Variants in LRCH1 observed in about 807,000 individuals in gnomAD.
The protein encoded by LRCH1 is leucine rich repeats and calponin homology domain containing 1, also known as leucine-rich repeat and calponin homology domain-containing protein 1.
Under a neutral mutation model 94.9 loss-of-function variants are expected in LRCH1, and 23 were observed. That is an observed-to-expected ratio of 0.24 (90% CI 0.17 to 0.34). The LOEUF (loss-of-function observed/expected upper bound fraction) is 0.34, where lower values mean the gene tolerates loss of function less well. Among genes scored for constraint, LRCH1 ranks in the 10% least tolerant of loss-of-function variants. LRCH1 has a pLI of 1.00. For missense variants in LRCH1, 790 were observed against 945.9 expected (o/e 0.84, Z 2.16); for synonymous variants, 364 against 354.9 (o/e 1.03, Z -0.29).
At chr13:46,590,428 G>A (rs908429518) in intron 1 of LRCH1, among the ~76,000 whole-genome samples, 1 of 152,164 alleles carries the variant, frequency 6.6e-6, no homozygotes, top group Non-Finnish European at 1.5e-5. Context: ...CTGACAGCAG[G>A]GAGGTGTTGC....
At chr13:46,694,808 G>T in intron 8 of LRCH1, 85 bp from the exon 9 acceptor site, 1 of 1,450,352 alleles carries the variant, frequency 6.9e-7, no homozygotes, top group South Asian at 1.2e-5. Flanking sequence ...GACTTGAAGT[G>T]ATTAGATCAT....
chr13:46,667,875 G>A (rs188110936), intron 2 of LRCH1, among the ~76,000 whole-genome samples: 24 of 152,232 alleles, frequency 1.6e-4, no homozygotes, highest in Admixed American at 4.6e-4. Flanking sequence ...GAGGAGTACC[G>A]ATAGTATTTT....
At chr13:46,647,470 G>A (rs949119056) in intron 1 of LRCH1, among the ~76,000 whole-genome samples, 2 of 151,832 alleles carry the variant, frequency 1.3e-5, no homozygotes, top group African/African-American at 4.8e-5. Flanking sequence ...TTTATGATTT[G>A]TCTTATTTCT....
intron 13 of LRCH1, 99 bp from the exon 14 acceptor site, chr13:46,711,692 A>G (rs994602326): frequency 8.1e-5 from 65 of 804,580 alleles, no homozygotes; most frequent in African/African-American, 6.0e-4. Flanking sequence ...TTGTGCACCT[A>G]TGGACCGGGG....
chr13:46,596,801 T>A (rs1315948394), intron 1 of LRCH1, among the ~76,000 whole-genome samples: 1 of 152,216 alleles, frequency 6.6e-6, no homozygotes, highest in Non-Finnish European at 1.5e-5. Context: ...GCTAGGTCCA[T>A]GGCAATCGAT....
chr13:46,725,928 T>C (rs1872793983), intron 17 of LRCH1, among the ~76,000 whole-genome samples: 1 of 152,222 alleles, frequency 6.6e-6, no homozygotes, highest in Non-Finnish European at 1.5e-5. Flanking sequence ...ATGGGTCATA[T>C]TGATCATTTA....
chr13:46,732,475 C>T (rs1297194897), intron 18 of LRCH1, among the ~76,000 whole-genome samples: 1 of 152,208 alleles, frequency 6.6e-6, no homozygotes, highest in Admixed American at 6.5e-5. Flanking sequence ...CCCTCCCTCA[C>T]TCCCAAAGAG....
At position 46,699,383 on chromosome 13, in the gene LRCH1, G is replaced by A. The variant is rs765195629; in HGVS notation, c.1293G>A (p.Val431=). ...AGCTGTTACGGATAGAAGAGGATGT[G>A]CACTGGCAAACTGAGGGCATGTGAG... ...CEELLRIEED[V]HWQTEGIISS... Residue 431 remains valine (V), a synonymous_variant, in exon 10 of 20, where the codon GTG becomes GTA. Coordinates refer to ENST00000389797, the MANE Select transcript of LRCH1 (RefSeq NM_001164211.2). 2 of 1,614,118 alleles carry A rather than the reference G, an allele frequency of 1.2e-6. No homozygotes were observed. The highest frequency in any genetic ancestry group is 1.1e-5 in the South Asian group (1 of 91,090).
Position 46,694,999 on chromosome 13 carries a change from G to A in LRCH1, c.1227G>A (p.Ser409=), listed in dbSNP as rs201892262. The A allele has an allele frequency of 7.3e-5, 117 of 1,613,674 alleles. No individual in the cohort carries two copies. The highest frequency in any genetic ancestry group is 9.7e-5 in the Non-Finnish European group (114 of 1,179,846). Residue 409 remains serine (S), a synonymous_variant, in exon 9 of 20, where the codon TCG becomes TCA. Coordinates refer to ENST00000389797, the MANE Select transcript of LRCH1 (RefSeq NM_001164211.2). ...CTGATAGAGCAGATGGTCTCCATTC[G>A]GAATTTATGAACTATAAGGCAAGAT... ...QFTDRADGLH[S]EFMNYKARAE... is the part of the protein sequence containing the mutation.
rs137989285 is a variant in LRCH1, at chr13:46,660,912, C to A, written c.453-8118C>A. Among the ~76,000 whole-genome samples, 20 of 152,264 alleles carry A rather than the reference C, an allele frequency of 1.3e-4. No homozygotes were observed. The East Asian group carries it at 3.9e-3, about 29-fold the overall frequency. On this transcript the variant is annotated intron_variant, in intron 2 of 19. Transcript: ENST00000389797. ...AAATTCCAGTATGTTCTAGACTAAG[C>A]CCATTTTCTTCTTTTCCAAATTAGT... is the stretch of plus-strand genomic sequence containing the variant.
At chr13:46,730,974 T>A (rs925767357) in intron 18 of LRCH1, among the ~76,000 whole-genome samples, 1 of 152,120 alleles carries the variant, frequency 6.6e-6, no homozygotes, top group Admixed American at 6.5e-5. Flanking sequence ...TAAATAAAAA[T>A]TTTAAAATTA....
intron 4 of LRCH1, among the ~76,000 whole-genome samples, chr13:46,684,180 A>G (rs1490467163): frequency 6.6e-6 from 1 of 152,114 alleles, no homozygotes; most frequent in African/African-American, 2.4e-5. Context: ...CTCTCTTAGC[A>G]GTGGGGAGAG....
In LRCH1 at chr13:46,742,505, C is replaced by G. The variant is rs1391924122; in HGVS notation, c.*657C>G. ...GGCCGCCAACTTCCACCCCGGCAAG[C>G]CCCTCTGTCCTATGCAGAAGGGCGC... On this transcript the variant is annotated 3_prime_UTR_variant, in exon 20 of 20. Coordinates refer to ENST00000389797, the MANE Select transcript of LRCH1 (RefSeq NM_001164211.2). 1.0e-6 allele frequency: 1 copy of G among 985,762 alleles called. No homozygotes were observed. Among genetic ancestry groups the G allele is most frequent in the Non-Finnish European group, 1.2e-6 (1 of 830,176 alleles). 61.1% of individuals were successfully genotyped at this position (985,762 alleles called of 1,614,324 possible).
rs7987509 is a variant in LRCH1 at position 46,744,864 on chromosome 13, A to T, written c.*3016A>T. 0.056 allele frequency: 54,591 copies of T among 983,284 alleles called. 5,977 individuals are homozygous for T. Among genetic ancestry groups the T allele is most frequent in the African/African-American group, 0.42 (23,971 of 56,612 alleles). 60.9% of individuals were successfully genotyped at this position (983,284 alleles called of 1,614,324 possible). A position where few individuals can be genotyped will look rare whatever the true frequency, so the allele number is the denominator to read the frequency against. On this transcript the variant is annotated 3_prime_UTR_variant, in exon 20 of 20. Transcript: ENST00000389797. ...TTAAAAATTAGGCTTCGTATTTCAA[A>T]ATTAGTTCTCAATAAACAATCAATT...
rs1286597002 is a variant in LRCH1, at chr13:46,744,598, A to G, written c.*2750A>G. 1.5e-5 allele frequency: 15 copies of G among 985,338 alleles called. No individual in the cohort carries two copies. Among genetic ancestry groups the G allele is most frequent in the Admixed American group, 1.2e-4 (2 of 16,268 alleles). 61.0% of individuals were successfully genotyped at this position (985,338 alleles called of 1,614,324 possible). A position where few individuals can be genotyped will look rare whatever the true frequency, so the allele number is the denominator to read the frequency against. ...ATTTCATCAATGAGAGTAGATAAATAAAGGCACTTGATAGCCTGCTGCTAT... is the reference window on the plus strand; with the variant it reads ...ATTTCATCAATGAGAGTAGATAAATGAAGGCACTTGATAGCCTGCTGCTAT... On this transcript the variant is annotated 3_prime_UTR_variant, in exon 20 of 20. Transcript: ENST00000389797.
At chr13:46,588,592 CTGTCTTT>C (rs1235173311) in intron 1 of LRCH1, among the ~76,000 whole-genome samples, 4 of 126,284 alleles carry the variant, frequency 3.2e-5, no homozygotes, top group East Asian at 2.6e-4. Context: ...TTCTCTCTCT[CTGTCTTT>C]TTTTTTTTTT....
At chr13:46,727,292 G>A (rs1023717827) in intron 17 of LRCH1, among the ~76,000 whole-genome samples, 1 of 152,120 alleles carries the variant, frequency 6.6e-6, no homozygotes, top group Non-Finnish European at 1.5e-5. Flanking sequence ...GGAAAGAACT[G>A]GAATGAAACT....
At chr13:46,636,772 T>C (rs542109417) in intron 1 of LRCH1, among the ~76,000 whole-genome samples, 6 of 152,314 alleles carry the variant, frequency 3.9e-5, no homozygotes, top group African/African-American at 1.4e-4. Flanking sequence ...TCACTTGGTT[T>C]CCAGGGACCT....
rs537087075 is a variant in LRCH1 at position 46,626,699 on chromosome 13, G to A, written c.308-23502G>A. 3.3e-5 allele frequency among the ~76,000 whole-genome samples: 5 copies of A among 152,304 alleles called. No individual in the cohort carries two copies. In the South Asian group the frequency reaches 8.3e-4, roughly 25 times the overall value. On this transcript the variant is annotated intron_variant, in intron 1 of 19. Coordinates refer to ENST00000389797, the MANE Select transcript of LRCH1 (RefSeq NM_001164211.2). ...TGTTTGGTGGTCTCCTCACATGGACGTGCATGAAAGGTAGCATAATACAAT... is the reference window on the plus strand; with the variant it reads ...TGTTTGGTGGTCTCCTCACATGGACATGCATGAAAGGTAGCATAATACAAT...
Sources: allele counts gnomAD v4.1 joint callset (sites outside exome capture counted in the v4.1 genomes callset), GRCh38; gene constraint gnomAD v4.1.1; transcripts MANE v1.5; gene names NCBI Gene and HGNC (gene_info 2026-07-23, HGNC 2026-07-21).